Variants in GPS2 observed in about 807,000 individuals in gnomAD.
GPS2 encodes G protein pathway suppressor 2, also known as GPS-2.
A neutral mutation model predicts 48.1 loss-of-function variants in GPS2; 22 were observed. The ratio of observed to expected loss-of-function variants is 0.46; its 90% confidence interval spans 0.33 to 0.65. The LOEUF is 0.65. GPS2 is among the 30% of genes least tolerant of loss of function. The pLI is 0.03. For synonymous variants in GPS2, 202 were observed against 142.5 expected, an observed-to-expected ratio of 1.42 and a Z score of -2.98; for missense variants, 366 against 406.8, an observed-to-expected ratio of 0.90 and a Z score of 0.86.
chr17:7,314,753 G>A, intron 2 of GPS2, 156 bp from the exon 3 acceptor site: 1 of 1,428,890 alleles, frequency 7.0e-7, no homozygotes, highest in South Asian at 1.3e-5. Flanking sequence ...GAACGGAAAG[G>A]CTTTATCAGG....
At chr17:7,313,162 G>A in intron 9 of GPS2, 38 bp from the exon 10 acceptor site, 2 of 1,607,298 alleles carry the variant, frequency 1.2e-6, no homozygotes, top group Non-Finnish European at 1.7e-6. Context: ...GCATACTGAA[G>A]CTCCCCTTAA....
intron 2 of GPS2, 176 bp downstream of exon 2, chr17:7,314,783 C>T: frequency 3.1e-6 from 4 of 1,303,876 alleles, no homozygotes; most frequent in Non-Finnish European, 4.3e-6. Flanking sequence ...AGGTCCTTCC[C>T]ATCTCAAGGG....
rs200620818 is a variant in GPS2 at position 7,313,320 on chromosome 17, G to A, written c.725-29C>T. 182 of 1,611,860 alleles carry A rather than the reference G, an allele frequency of 1.1e-4. 1 individual carries two copies. The African/African-American group carries it at 1.5e-3, about 13-fold the overall frequency. On this transcript the variant is annotated intron_variant, in intron 8 of 10. Coordinates refer to ENST00000380728, the MANE Select transcript of GPS2 (RefSeq NM_004489.5). ...GGTGGGGAAGAGGGGCATGTGAGAT[G>A]AGAATGAAACAGGGAGGGGAGGACC...
At chr17:7,315,172 C>T in intron 1 of GPS2, 53 bp from the exon 2 acceptor site, 1 of 587,614 alleles carries the variant, frequency 1.7e-6, no homozygotes. Context: ...GGCGGAAGCC[C>T]GTCCGCCCGG....
Position 7,312,746 on chromosome 17 carries a change from A to T in GPS2, c.*10T>A, listed in dbSNP as rs745403587. 13 of 1,608,524 alleles carry T rather than the reference A, an allele frequency of 8.1e-6. No individual in the cohort carries two copies. The highest frequency in any genetic ancestry group is 1.0e-5 in the Non-Finnish European group (12 of 1,174,998). On this transcript the variant is annotated 3_prime_UTR_variant, in exon 11 of 11. Transcript: ENST00000380728. ...GTGGGGGGTGTGGTGTTGAAGATAT[A>T]ATCTGATGGTCACTTGTGGTAGAAT...
intron 1 of GPS2, 27 bp from the exon 2 acceptor site, chr17:7,315,146 G>T (rs899699218): frequency 1.2e-6 from 1 of 861,054 alleles, no homozygotes; most frequent in Non-Finnish European, 1.6e-6. Context: ...GCTCAGAGGG[G>T]GCCGCGCCCG....
Position 7,312,771 on chromosome 17 carries a change from T to A in GPS2, c.969A>T (p.Arg323=). 6.2e-7 allele frequency: 1 copy of A among 1,613,820 alleles called. No homozygotes were observed. Among genetic ancestry groups the A allele is most frequent in the Non-Finnish European group, 8.5e-7 (1 of 1,179,760 alleles). The change falls in exon 11 of 11, where the codon CGA becomes CGT. Residue 323 remains arginine (R), a synonymous_variant. Transcript: ENST00000380728. ...AATCTGATGGTCACTTGTGGTAGAATCGCGGGTTCTGGCTGTGTTGGATGA... is the reference window on the plus strand; with the variant it reads ...AATCTGATGGTCACTTGTGGTAGAAACGCGGGTTCTGGCTGTGTTGGATGA... ...LPFIQHSQNP[R]FYHK
chr17:7,314,533 T>C lies in GPS2; in HGVS notation c.159A>G (p.Lys53=), dbSNP rs1439512748. Residue 53 remains lysine (K), a synonymous_variant, in exon 3 of 11, where the codon AAA becomes AAG. Transcript: ENST00000380728. ...KMKEEQERRK[K]KEMEERMSLE... ...ATGACATTCTCTCTTCCATCTCCTT[T>C]TTCTTCCTTCTCTCCTGTTCTTCCT... The C allele has an allele frequency of 6.2e-7, 1 of 1,613,978 alleles. No individual in the cohort carries two copies. The highest frequency in any genetic ancestry group is 8.5e-7 in the Non-Finnish European group (1 of 1,179,926).
intron 8 of GPS2, 40 bp from the exon 9 acceptor site, chr17:7,313,331 A>C: frequency 2.5e-6 from 4 of 1,610,978 alleles, no homozygotes; most frequent in Non-Finnish European, 3.4e-6. Flanking sequence ...AGAATGAAAC[A>C]GGGAGGGGAG....
At chr17:7,312,916 C>T (rs2072880408) in intron 10 of GPS2, 77 bp from the exon 11 acceptor site, 3 of 1,494,508 alleles carry the variant, frequency 2.0e-6, no homozygotes, top group African/African-American at 1.4e-5. Context: ...TGATAACCAC[C>T]CCCAAAGAGG....
In GPS2 at chr17:7,315,332, C is replaced by G. The variant is rs1469783671; in HGVS notation, c.-69G>C. 5.1e-6 allele frequency: 2 copies of G among 389,580 alleles called. No homozygotes were observed. Among genetic ancestry groups the G allele is most frequent in the Admixed American group, 4.5e-5 (1 of 22,414 alleles). The allele number at this position is 389,580 out of a possible 1,614,324, so 24.1% of individuals were successfully genotyped here. On this transcript the variant is annotated splice_region_variant and 5_prime_UTR_variant, in exon 1 of 11. Transcript: ENST00000380728. ...AGCGCGGACGACTGCCCTTCCTACC[C>G]GCCTTCTCTGCGCTTTCTCAGCGGC...
chr17:7,313,374 T>TA lies in GPS2; in HGVS notation c.724+5dup, dbSNP rs1426988162. 2 of 1,613,872 alleles carry TA rather than the reference T, an allele frequency of 1.2e-6. No homozygotes were observed. The highest frequency in any genetic ancestry group is 1.7e-6 in the Non-Finnish European group (2 of 1,179,776). The stretch of plus-strand genomic sequence containing the variant: ...GAGCTAGAGCTCCTGCATGGGATGT[T>TA]ATCACCTGTCTGAGTGGGCTGAAAG... On this transcript the variant is annotated splice_donor_region_variant and intron_variant, in intron 8 of 10. Coordinates refer to ENST00000380728, the MANE Select transcript of GPS2 (RefSeq NM_004489.5).
chr17:7,313,690 A>G lies in GPS2; in HGVS notation c.512T>C (p.Phe171Ser). The change falls in exon 7 of 11, where the codon TTT becomes TCT. Residue 171 changes from phenylalanine to serine, a missense_variant. Coordinates refer to ENST00000380728, the MANE Select transcript of GPS2 (RefSeq NM_004489.5). ...TTGTCCATGCTCTGGTGTCCCTGCA[A>G]AAGCAGCTGCTGAGCCCACGTAGTG... Reference protein sequence around the residue: ...TRHYVGSAAAFAGTPEHGQFQ... With the variant: ...TRHYVGSAAASAGTPEHGQFQ... The G allele has an allele frequency of 1.2e-6, 2 of 1,614,152 alleles. No homozygotes were observed. Among genetic ancestry groups the G allele is most frequent in the Non-Finnish European group, 1.7e-6 (2 of 1,180,020 alleles).
intron 6 of GPS2, 72 bp downstream of exon 6, chr17:7,313,834 G>A (rs1026276951): frequency 1.5e-5 from 24 of 1,565,180 alleles, no homozygotes; most frequent in Non-Finnish European, 1.9e-5. Context: ...TGATATGTTT[G>A]TGACTTGAAT....
Position 7,314,149 on chromosome 17 carries a change from T to C in GPS2, c.328A>G (p.Thr110Ala). The C allele has an allele frequency of 1.2e-6, 2 of 1,613,562 alleles. No individual in the cohort carries two copies. The highest frequency in any genetic ancestry group is 1.7e-6 in the Non-Finnish European group (2 of 1,179,704). The change falls in exon 5 of 11, where the codon ACC becomes GCC. Residue 110 changes from threonine to alanine, a missense_variant. Transcript: ENST00000380728. ...TGCTGGTATGCAGCTGATGTTAGGG[T>C]GGTCAGGTCACTGGAGTGAAAGGAA... ...RRRKEQSDLT[T>A]LTSAAYQQSL...
intron 5 of GPS2, 43 bp downstream of exon 5, chr17:7,314,037 T>C: frequency 1.2e-6 from 2 of 1,610,426 alleles, no homozygotes; most frequent in African/African-American, 2.7e-5. Context: ...GGCTGTGACC[T>C]CCAAGAAGGC....
chr17:7,315,152 G>A, intron 1 of GPS2, 33 bp from the exon 2 acceptor site: 1 of 826,340 alleles, frequency 1.2e-6, no homozygotes. Flanking sequence ...AGGGGGCCGC[G>A]CCCGGCCCAG....
At chr17:7,314,719 C>G (rs2072914806) in intron 2 of GPS2, 122 bp from the exon 3 acceptor site, 7 of 1,548,238 alleles carry the variant, frequency 4.5e-6, no homozygotes, top group Non-Finnish European at 6.1e-6. Context: ...CTCGAGGGGA[C>G]AAGCTCCCCA....
intron 4 of GPS2, 29 bp from the exon 5 acceptor site, chr17:7,314,188 C>T (rs1231665791): frequency 6.2e-7 from 1 of 1,601,588 alleles, no homozygotes; most frequent in Non-Finnish European, 8.6e-7. Context: ...AGGTCAAAGT[C>T]AAGGACAGAT....
Sources: allele counts gnomAD v4.1 joint callset, GRCh38; gene constraint gnomAD v4.1.1; transcripts MANE v1.5; gene names NCBI Gene and HGNC (gene_info 2026-07-23, HGNC 2026-07-21).